Variants in CSGALNACT1 observed in about 807,000 individuals in gnomAD.
CSGALNACT1 encodes the protein beta4GalNAcT-1.
CSGALNACT1 carries 52 observed loss-of-function variants against 51.0 expected under a neutral mutation model. That is an observed-to-expected ratio of 1.02 (90% CI 0.82 to 1.29). CSGALNACT1 has a LOEUF of 1.29. Among genes scored for constraint, CSGALNACT1 ranks in the 50% most tolerant of loss-of-function variants. The pLI is 0.00. For synonymous variants in CSGALNACT1, 341 were observed against 254.4 expected, an observed-to-expected ratio of 1.34 and a Z score of -3.24; for missense variants, 935 against 679.2, an observed-to-expected ratio of 1.38 and a Z score of -4.19.
chr8:19,574,846 C>G (rs1028083935), intron 3 of CSGALNACT1, among the ~76,000 whole-genome samples: 4 of 152,066 alleles, frequency 2.6e-5, no homozygotes, highest in African/African-American at 9.7e-5. Flanking sequence ...ACCACCCTGG[C>G]CCATGTGGTG....
At chr8:19,720,398 C>T (rs956557838) in intron 1 of CSGALNACT1, among the ~76,000 whole-genome samples, 1 of 152,186 alleles carries the variant, frequency 6.6e-6, no homozygotes, top group Non-Finnish European at 1.5e-5. Flanking sequence ...GCACATAAGC[C>T]ATAGCTGGGG....
intron 1 of CSGALNACT1, among the ~76,000 whole-genome samples, chr8:19,714,433 C>G (rs1031711993): frequency 6.6e-6 from 1 of 152,022 alleles, no homozygotes; most frequent in Non-Finnish European, 1.5e-5. Context: ...TCTCAGCCAC[C>G]ATTTCTTTAA....
intron 3 of CSGALNACT1, among the ~76,000 whole-genome samples, chr8:19,589,412 G>A (rs1294760212): frequency 2.6e-5 from 4 of 152,116 alleles, no homozygotes; most frequent in African/African-American, 7.2e-5. Flanking sequence ...TGCAACCTCC[G>A]TCTCCCAGGT....
intron 1 of CSGALNACT1, among the ~76,000 whole-genome samples, chr8:19,751,615 C>T (rs902854446): frequency 6.6e-6 from 1 of 151,976 alleles, no homozygotes; most frequent in African/African-American, 2.4e-5. Context: ...GGTTCTATGC[C>T]CCCACCGAAA....
intron 3 of CSGALNACT1, among the ~76,000 whole-genome samples, chr8:19,512,503 C>G (rs536936568): frequency 6.6e-6 from 1 of 152,196 alleles, no homozygotes; most frequent in Non-Finnish European, 1.5e-5. Flanking sequence ...CACAGGGTCA[C>G]AGACTTCAGA....
At chr8:19,661,565 T>A (rs909598367) in intron 1 of CSGALNACT1, among the ~76,000 whole-genome samples, 1 of 152,190 alleles carries the variant, frequency 6.6e-6, no homozygotes, top group East Asian at 1.9e-4. Flanking sequence ...CTATTCCCGC[T>A]ATGTGGAGTT....
At chr8:19,531,612 A>G (rs922675398) in intron 3 of CSGALNACT1, among the ~76,000 whole-genome samples, 6 of 152,250 alleles carry the variant, frequency 3.9e-5, no homozygotes, top group Non-Finnish European at 7.3e-5. Context: ...AGGTGCAAGG[A>G]AAATTGACAT....
intron 1 of CSGALNACT1, among the ~76,000 whole-genome samples, chr8:19,614,371 C>T (rs1032525554): frequency 1.2e-4 from 19 of 152,256 alleles, no homozygotes; most frequent in Middle Eastern, 3.4e-3. Context: ...ATTATACCAT[C>T]CTGCCTCATA....
chr8:19,564,588 G>A (rs908754966), intron 3 of CSGALNACT1, among the ~76,000 whole-genome samples: 2 of 152,084 alleles, frequency 1.3e-5, no homozygotes, highest in East Asian at 3.9e-4. Context: ...TTGGGGACCT[G>A]GAAGAGCGGC....
chr8:19,592,887 G>C (rs1161623834), intron 2 of CSGALNACT1, among the ~76,000 whole-genome samples: 1 of 152,142 alleles, frequency 6.6e-6, no homozygotes, highest in Non-Finnish European at 1.5e-5. Context: ...TTCTTATACA[G>C]ACCATACCCC....
In CSGALNACT1 at chr8:19,643,205, TA is replaced by T. The variant is rs1183757071; in HGVS notation, c.-544+39267del. Among the ~76,000 whole-genome samples, 7 of 152,152 alleles carry T rather than the reference TA, an allele frequency of 4.6e-5. No homozygotes were observed. In the South Asian group the frequency reaches 1.0e-3, roughly 23 times the overall value. On this transcript the variant is annotated intron_variant, in intron 1 of 9. Coordinates refer to the CSGALNACT1 transcript ENST00000332246. ...GAATAAAAATCAGCAAATTAAACATTAAAAAATAATTTTAAAAAGTCAATAA... is the reference window on the plus strand; with the variant it reads ...GAATAAAAATCAGCAAATTAAACATTAAAAATAATTTTAAAAAGTCAATAA...
chr8:19,674,387 T>C (rs1271412533), intron 1 of CSGALNACT1, among the ~76,000 whole-genome samples: 1 of 151,872 alleles, frequency 6.6e-6, no homozygotes, highest in East Asian at 1.9e-4. Context: ...TCAGCAGAGA[T>C]CAGAAGTTGA....
intron 1 of CSGALNACT1, among the ~76,000 whole-genome samples, chr8:19,695,701 A>T (rs2061547581): frequency 1.3e-5 from 2 of 152,248 alleles, no homozygotes. Flanking sequence ...ACAAAGGAAC[A>T]TGGGTAATTT....
chr8:19,647,701 C>A (rs1488718412), intron 1 of CSGALNACT1, among the ~76,000 whole-genome samples: 1 of 152,170 alleles, frequency 6.6e-6, no homozygotes, highest in Non-Finnish European at 1.5e-5. Context: ...TTGCAAATAT[C>A]TTCAATTACC....
intron 1 of CSGALNACT1, among the ~76,000 whole-genome samples, chr8:19,651,826 A>T (rs1244196446): frequency 6.6e-6 from 1 of 152,198 alleles, no homozygotes; most frequent in Non-Finnish European, 1.5e-5. Context: ...TTCTTTCAGA[A>T]ATCTCCAAAC....
chr8:19,483,570 C>G (rs2072041578), intron 4 of CSGALNACT1, among the ~76,000 whole-genome samples: 1 of 152,180 alleles, frequency 6.6e-6, no homozygotes. Flanking sequence ...AGACTTAGCT[C>G]AGAATATCTT....
intron 1 of CSGALNACT1, among the ~76,000 whole-genome samples, chr8:19,670,735 T>C (rs2059739279): frequency 6.7e-6 from 1 of 149,194 alleles, no homozygotes; most frequent in Admixed American, 6.7e-5. Context: ...AGATAACACA[T>C]GAGACAAGTA....
rs151208689 is a variant in CSGALNACT1 at position 19,470,840 on chromosome 8, A to C, written c.635-12198T>G. ...GCTGGACGTGGTGGTTCACGCCTAT[A>C]ATCCCAACACTTTCGGAGGCTGAGG... On this transcript the variant is annotated intron_variant, in intron 4 of 9. Coordinates refer to ENST00000454498, the Ensembl canonical transcript of CSGALNACT1. Among the ~76,000 whole-genome samples the C allele has an allele frequency of 2.1e-3, 316 of 152,288 alleles. 1 individual carries two copies. Among genetic ancestry groups the C allele is most frequent in the African/African-American group, 7.2e-3 (300 of 41,550 alleles).
intron 2 of CSGALNACT1, among the ~76,000 whole-genome samples, chr8:19,593,192 G>C (rs1342666329): frequency 6.6e-6 from 1 of 152,210 alleles, no homozygotes; most frequent in Admixed American, 6.5e-5. Context: ...TTAATGACAG[G>C]ATGTTCACTG....
Sources: allele counts gnomAD v4.1 joint callset (sites outside exome capture counted in the v4.1 genomes callset), GRCh38; gene constraint gnomAD v4.1.1; transcripts MANE v1.5; gene names NCBI Gene and HGNC (gene_info 2026-07-23, HGNC 2026-07-21).